The following PFDN1 variants were observed in gnomAD, a reference collection of about 807,000 sequenced individuals.
The protein encoded by PFDN1 is prefoldin subunit 1, also known as prefoldin 1.
In PFDN1, 6 loss-of-function variants were observed where a neutral mutation model predicts 17.3. The ratio of observed to expected loss-of-function variants is 0.35; its 90% confidence interval spans 0.19 to 0.69. The LOEUF (loss-of-function observed/expected upper bound fraction) is 0.69, where lower values mean the gene tolerates loss of function less well. Among genes scored for constraint, PFDN1 ranks in the 30% least tolerant of loss-of-function variants. The pLI, the probability that PFDN1 is intolerant of heterozygous loss-of-function variation, is 0.65. For missense variants in PFDN1, 113 were observed against 146.2 expected (o/e 0.77, Z 1.17); for synonymous variants, 58 against 50.1 (o/e 1.16, Z -0.67).
intron 2 of PFDN1, among the ~76,000 whole-genome samples, chr5:140,283,799 T>C (rs1044079982): frequency 6.6e-6 from 1 of 152,192 alleles, no homozygotes; most frequent in Non-Finnish European, 1.5e-5. Context: ...CAGTACTAAG[T>C]CTCAGTAATG....
intron 3 of PFDN1, among the ~76,000 whole-genome samples, chr5:140,264,020 CAAAAAAAAAAAAAA>C (rs58605224): frequency 9.5e-4 from 53 of 55,568 alleles, no homozygotes; most frequent in Admixed American, 2.8e-3. Flanking sequence ...GACTCCATCT[CAAAAAAAAAAAAAA>C]AAAAAAAAAA....
chr5:140,251,216 G>A (rs1294904871), intron 3 of PFDN1, among the ~76,000 whole-genome samples: 1 of 152,108 alleles, frequency 6.6e-6, no homozygotes, highest in Non-Finnish European at 1.5e-5. Flanking sequence ...GATTACAGAT[G>A]TGAACTACTG....
In PFDN1 at chr5:140,246,077, C is replaced by G. The variant is rs1326002658; in HGVS notation, c.286-20G>C. The G allele has an allele frequency of 6.8e-7, 1 of 1,469,786 alleles. No homozygotes were observed. Among genetic ancestry groups the G allele is most frequent in the African/African-American group, 1.4e-5 (1 of 71,422 alleles). 91.0% of individuals were successfully genotyped at this position (1,469,786 alleles called of 1,614,324 possible). On this transcript the variant is annotated intron_variant, in intron 3 of 3. Transcript: ENST00000261813. ...TTTCTGCTGCAATATGAGAGACAGA[C>G]AAAGGTTAGGACCAGAGTGAATGGG... is the stretch of plus-strand genomic sequence containing the variant.
At chr5:140,282,647 AG>A (rs1765428196) in intron 2 of PFDN1, among the ~76,000 whole-genome samples, 1 of 152,236 alleles carries the variant, frequency 6.6e-6, no homozygotes. Context: ...ACCACTGATG[AG>A]GGTGGAAATA....
chr5:140,276,510 G>A (rs1197602457), intron 3 of PFDN1, among the ~76,000 whole-genome samples: 1 of 152,150 alleles, frequency 6.6e-6, no homozygotes, highest in East Asian at 1.9e-4. Flanking sequence ...GCCAAGTGTG[G>A]TGGCTCATGC....
intron 3 of PFDN1, among the ~76,000 whole-genome samples, chr5:140,247,588 C>T (rs1346411282): frequency 6.6e-6 from 1 of 152,242 alleles, no homozygotes; most frequent in African/African-American, 2.4e-5. Context: ...ACCCTCTTTA[C>T]TCATCTCCCA....
At chr5:140,295,998 T>C (rs530876139) in intron 2 of PFDN1, among the ~76,000 whole-genome samples, 2 of 152,318 alleles carry the variant, frequency 1.3e-5, no homozygotes, top group South Asian at 2.1e-4. Flanking sequence ...TTGGGTTTTC[T>C]ATATTTTTAG....
At chr5:140,298,844 T>A (rs1765691967) in intron 2 of PFDN1, among the ~76,000 whole-genome samples, 1 of 151,916 alleles carries the variant, frequency 6.6e-6, no homozygotes, top group African/African-American at 2.4e-5. Context: ...AACCTCCACC[T>A]CCTGGGTTCG....
intron 3 of PFDN1, among the ~76,000 whole-genome samples, chr5:140,267,333 A>C (rs1187278410): frequency 6.6e-6 from 1 of 152,226 alleles, no homozygotes; most frequent in African/African-American, 2.4e-5. Flanking sequence ...CTCTCTTAAA[A>C]GCTAAATGCA....
At chr5:140,251,984 AT>A (rs542575840) in intron 3 of PFDN1, among the ~76,000 whole-genome samples, 74 of 149,062 alleles carry the variant, frequency 5.0e-4, no homozygotes, top group Middle Eastern at 3.5e-3. Flanking sequence ...CCTTCTCTAA[AT>A]TAGTTTTTTT....
chr5:140,295,975 T>C (rs765800838), intron 2 of PFDN1, among the ~76,000 whole-genome samples: 5 of 152,146 alleles, frequency 3.3e-5, no homozygotes, highest in Admixed American at 6.6e-5. Context: ...CCCTCAAGCA[T>C]AATCTTTAAG....
At chr5:140,277,476 A>G (rs960176344) in intron 3 of PFDN1, among the ~76,000 whole-genome samples, 14 of 152,122 alleles carry the variant, frequency 9.2e-5, no homozygotes, top group African/African-American at 2.7e-4. Context: ...ATAAGGAAGA[A>G]GTAATCTTCA....
At chr5:140,296,164 T>C (rs888056062) in intron 2 of PFDN1, among the ~76,000 whole-genome samples, 1 of 152,206 alleles carries the variant, frequency 6.6e-6, no homozygotes, top group African/African-American at 2.4e-5. Context: ...TATAATTTCA[T>C]CTTACATGGA....
At chr5:140,295,835 A>C (rs1765645393) in intron 2 of PFDN1, among the ~76,000 whole-genome samples, 1 of 152,068 alleles carries the variant, frequency 6.6e-6, no homozygotes, top group Non-Finnish European at 1.5e-5. Flanking sequence ...TGATTTGTTT[A>C]ACTAAATACA....
chr5:140,270,201 T>G (rs1361150518), intron 3 of PFDN1, among the ~76,000 whole-genome samples: 2 of 152,092 alleles, frequency 1.3e-5, no homozygotes, highest in East Asian at 3.9e-4. Flanking sequence ...TCTAACTCAT[T>G]AAAAGAAATC....
intron 2 of PFDN1, among the ~76,000 whole-genome samples, chr5:140,298,823 C>T (rs1045506631): frequency 2.6e-5 from 4 of 151,606 alleles, no homozygotes; most frequent in Non-Finnish European, 5.9e-5. Flanking sequence ...GGCGCAATCT[C>T]GGCTCACTGC....
intron 2 of PFDN1, among the ~76,000 whole-genome samples, chr5:140,286,432 A>T (rs1386672526): frequency 2.6e-5 from 4 of 151,020 alleles, no homozygotes; most frequent in Admixed American, 6.6e-5. Flanking sequence ...AAAAAAAAGA[A>T]AAGAAAAAAG....
At chr5:140,291,592 C>A (rs1035416599) in intron 2 of PFDN1, among the ~76,000 whole-genome samples, 3 of 151,504 alleles carry the variant, frequency 2.0e-5, no homozygotes, top group Non-Finnish European at 2.9e-5. Flanking sequence ...GATAAAAAAT[C>A]TGGGAGTTGT....
intron 3 of PFDN1, among the ~76,000 whole-genome samples, chr5:140,251,995 T>TTTTC (rs3082569): frequency 0.22 from 33,735 of 150,356 alleles, 4,196 homozygotes; most frequent in South Asian, 0.45. Context: ...TTAGTTTTTT[T>TTTTC]TTTCTTTCTT....
Sources: gnomAD v4.1 joint callset for allele counts (sites outside exome capture counted in the v4.1 genomes callset) on GRCh38, gnomAD v4.1.1 for gene constraint, MANE v1.5 for transcripts, NCBI Gene and HGNC (gene_info 2026-07-23, HGNC 2026-07-21) for gene names.